Variants in OPRD1 observed in about 807,000 individuals in gnomAD.
The protein encoded by OPRD1 is delta-type opioid receptor.
In OPRD1, 19 loss-of-function variants were observed where a neutral mutation model predicts 17.5. That is an observed-to-expected ratio of 1.09 (90% CI 0.76 to 1.60). OPRD1 has a LOEUF of 1.60. Ranked by LOEUF, OPRD1 falls within the 40% of genes most tolerant of loss-of-function variation. OPRD1 has a pLI of 0.00. For synonymous variants in OPRD1, 256 were observed against 240.9 expected, an observed-to-expected ratio of 1.06 and a Z score of -0.58; for missense variants, 483 against 547.2, an observed-to-expected ratio of 0.88 and a Z score of 1.17.
chr1:28,832,616 C>CAA (rs34518692), intron 1 of OPRD1, among the ~76,000 whole-genome samples: 5 of 146,140 alleles, frequency 3.4e-5, no homozygotes, highest in African/African-American at 1.3e-4. Flanking sequence ...GACTCTGTCT[C>CAA]AAAAAAAAAA....
chr1:28,838,090 C>A (rs192181866), intron 1 of OPRD1, among the ~76,000 whole-genome samples: 150 of 151,816 alleles, frequency 9.9e-4, no homozygotes, highest in African/African-American at 3.2e-3. Context: ...TAGTAGCATT[C>A]GATAGAATGT....
chr1:28,818,012 G>A (rs553496949), intron 1 of OPRD1, among the ~76,000 whole-genome samples: 2 of 152,242 alleles, frequency 1.3e-5, no homozygotes, highest in Admixed American at 6.5e-5. Flanking sequence ...GAGCCGCTGC[G>A]CCTGGCTCAT....
At chr1:28,847,965 T>A (rs1349254906) in intron 1 of OPRD1, among the ~76,000 whole-genome samples, 1 of 150,422 alleles carries the variant, frequency 6.6e-6, no homozygotes. Flanking sequence ...GGAAAAAAAA[T>A]TTGCCAGGCA....
chr1:28,817,903 G>C (rs928164913), intron 1 of OPRD1, among the ~76,000 whole-genome samples: 1 of 96,856 alleles, frequency 1.0e-5, no homozygotes, highest in African/African-American at 3.4e-5. Flanking sequence ...TGGGCGGGGC[G>C]GGGGGGGGGT....
intron 1 of OPRD1, among the ~76,000 whole-genome samples, chr1:28,849,534 G>T (rs541207669): frequency 6.6e-6 from 1 of 152,084 alleles, no homozygotes; most frequent in Non-Finnish European, 1.5e-5. Context: ...ACACACAGGG[G>T]CACACACACG....
At chr1:28,846,700 AAAAAAG>A (rs1343216628) in intron 1 of OPRD1, among the ~76,000 whole-genome samples, 1 of 132,110 alleles carries the variant, frequency 7.6e-6, no homozygotes, top group Non-Finnish European at 1.7e-5. Flanking sequence ...GAAAAAAAAA[AAAAAAG>A]AGAGAGAGAG....
intron 1 of OPRD1, among the ~76,000 whole-genome samples, chr1:28,845,675 C>T (rs1557575476): frequency 6.6e-6 from 1 of 152,118 alleles, no homozygotes; most frequent in Non-Finnish European, 1.5e-5. Context: ...AGCTTTCCCA[C>T]TATATTTTCT....
At chr1:28,857,667 G>A (rs1386250192) in intron 1 of OPRD1, among the ~76,000 whole-genome samples, 1 of 151,992 alleles carries the variant, frequency 6.6e-6, no homozygotes, top group Non-Finnish European at 1.5e-5. Flanking sequence ...ATTGTTATTT[G>A]TAGATATGGG....
At chr1:28,840,261 T>C in intron 1 of OPRD1, among the ~76,000 whole-genome samples, 1 of 152,046 alleles carries the variant, frequency 6.6e-6, no homozygotes, top group East Asian at 1.9e-4. Context: ...TCTGGGAGCT[T>C]ATATATATAT....
In OPRD1 at chr1:28,859,702, C is replaced by T. The variant is rs553864709; in HGVS notation, c.577+399C>T. On this transcript the variant is annotated intron_variant, in intron 2 of 2. Transcript: ENST00000234961. ...GATGTCCAGTGAGGTGAGGGTGTCA[C>T]TGACCAGTGAGCAGTGGAGGCTGCA... Among the ~76,000 whole-genome samples the T allele has an allele frequency of 7.2e-5, 11 of 152,324 alleles. No homozygotes were observed. In the East Asian group the frequency reaches 1.3e-3, roughly 19 times the overall value.
intron 1 of OPRD1, among the ~76,000 whole-genome samples, chr1:28,837,495 A>G (rs1228823026): frequency 1.3e-5 from 2 of 151,714 alleles, no homozygotes; most frequent in Non-Finnish European, 2.9e-5. Context: ...TAAAAATACA[A>G]AAATTAGCTG....
chr1:28,846,829 C>CTTTCTTTCTTTCT (rs2088950519), intron 1 of OPRD1, among the ~76,000 whole-genome samples: 1 of 75,840 alleles, frequency 1.3e-5, no homozygotes, highest in African/African-American at 5.7e-5. Flanking sequence ...CATTTTCTTT[C>CTTTCTTTCTTTCT]TTTCTTTCTT....
intron 1 of OPRD1, among the ~76,000 whole-genome samples, chr1:28,820,488 A>G (rs1270464680): frequency 6.6e-6 from 1 of 151,406 alleles, no homozygotes; most frequent in African/African-American, 2.4e-5. Flanking sequence ...AACTGGAACT[A>G]GAATTATTGA....
intron 1 of OPRD1, among the ~76,000 whole-genome samples, chr1:28,841,469 A>G (rs938414944): frequency 6.6e-6 from 1 of 152,208 alleles, no homozygotes; most frequent in Admixed American, 6.5e-5. Flanking sequence ...TGTCACCGCC[A>G]CTTCTTAGCT....
intron 1 of OPRD1, among the ~76,000 whole-genome samples, chr1:28,844,035 G>A (rs570243443): frequency 2.0e-5 from 3 of 152,230 alleles, no homozygotes; most frequent in East Asian, 1.9e-4. Flanking sequence ...GATCATAAGA[G>A]GCAATTCTAT....
chr1:28,831,996 T>C (rs1184720123), intron 1 of OPRD1, among the ~76,000 whole-genome samples: 1 of 152,196 alleles, frequency 6.6e-6, no homozygotes, highest in East Asian at 1.9e-4. Flanking sequence ...GAGATGATAA[T>C]TCACTTGCCC....
At chr1:28,839,708 C>G (rs565354507) in intron 1 of OPRD1, among the ~76,000 whole-genome samples, 7 of 152,248 alleles carry the variant, frequency 4.6e-5, no homozygotes, top group African/African-American at 1.7e-4. Context: ...AAAAAAAACC[C>G]TCAGTTTAGT....
chr1:28,842,925 A>G (rs913802440), intron 1 of OPRD1, among the ~76,000 whole-genome samples: 1 of 151,866 alleles, frequency 6.6e-6, no homozygotes, highest in African/African-American at 2.4e-5. Context: ...TAAAAAAATT[A>G]GTTTGGTGTG....
At chr1:28,846,956 C>CAG (rs2088958575) in intron 1 of OPRD1, among the ~76,000 whole-genome samples, 1 of 143,376 alleles carries the variant, frequency 7.0e-6, no homozygotes, top group South Asian at 2.2e-4. Flanking sequence ...TTTTCTTTCT[C>CAG]TTTCTCTCTT....
Sources: allele counts gnomAD v4.1 joint callset (sites outside exome capture counted in the v4.1 genomes callset), GRCh38; gene constraint gnomAD v4.1.1; transcripts MANE v1.5; gene names NCBI Gene and HGNC (gene_info 2026-07-23, HGNC 2026-07-21).